The following SHANK2 variants were observed in gnomAD, a reference collection of about 807,000 sequenced individuals.
SHANK2 encodes the protein SH3 and multiple ankyrin repeat domains protein 2.
Under a neutral mutation model 133.7 loss-of-function variants are expected in SHANK2, and 43 were observed. That is an observed-to-expected ratio of 0.32 (90% confidence interval 0.25 to 0.41). The LOEUF (loss-of-function observed/expected upper bound fraction) is 0.41, where lower values mean the gene tolerates loss of function less well. SHANK2 is among the 10% of genes least tolerant of loss of function. The pLI, the probability that SHANK2 is intolerant of heterozygous loss-of-function variation, is 1.00. For missense variants in SHANK2, 1,994 were observed against 2,235.8 expected (o/e 0.89, Z 2.18); for synonymous variants, 1,017 against 952.8 (o/e 1.07, Z -1.24).
intron 12 of SHANK2, 118 bp downstream of exon 12, chr11:70,820,246 A>G (rs931317959): frequency 8.8e-6 from 5 of 570,546 alleles, no homozygotes; most frequent in African/African-American, 5.8e-5. Context: ...AGTTTCCTCA[A>G]CATCTGGGTT....
At chr11:71,248,039 T>A (rs1426936018) in intron 1 of SHANK2, among the ~76,000 whole-genome samples, 1 of 152,124 alleles carries the variant, frequency 6.6e-6, no homozygotes. Flanking sequence ...TGAAGGCCCA[T>A]CCCCGGCATA....
chr11:70,908,374 C>T (rs2135713942), intron 10 of SHANK2, among the ~76,000 whole-genome samples: 2 of 152,340 alleles, frequency 1.3e-5, no homozygotes, highest in South Asian at 4.1e-4. Flanking sequence ...ACCAGGCTGG[C>T]TTCCTTACAC....
rs532373979 is a variant in SHANK2 at position 70,591,691 on chromosome 11, G to T, written c.2061+68137C>A. On this transcript the variant is annotated intron_variant, in intron 17 of 25. Coordinates refer to ENST00000601538, the MANE Select transcript of SHANK2 (RefSeq NM_012309.5). ...TGTTTTCTCTCAAGGGCAGACCTGAGCTACACTGATCTCCTGAAACATTTT... is the reference window on the plus strand; with the variant it reads ...TGTTTTCTCTCAAGGGCAGACCTGATCTACACTGATCTCCTGAAACATTTT... Among the ~76,000 whole-genome samples the T allele has an allele frequency of 3.9e-5, 6 of 152,306 alleles. No homozygotes were observed. In the East Asian group the frequency reaches 7.7e-4, roughly 20 times the overall value.
At chr11:71,224,934 C>G (rs1555121940) in intron 1 of SHANK2, 138 bp from the exon 2 acceptor site, 1 of 152,206 alleles carries the variant, frequency 6.6e-6, no homozygotes, top group Non-Finnish European at 1.5e-5. Flanking sequence ...TTGGAGTAGA[C>G]ACATTTTTCC....
chr11:70,478,126 G>A (rs1017380536), intron 25 of SHANK2, among the ~76,000 whole-genome samples: 1 of 151,904 alleles, frequency 6.6e-6, no homozygotes, highest in Admixed American at 6.5e-5. Flanking sequence ...TAATTGGGGT[G>A]AGGTAAGTAA....
intron 15 of SHANK2, among the ~76,000 whole-genome samples, chr11:70,662,677 C>T (rs1405964208): frequency 6.6e-6 from 1 of 151,878 alleles, no homozygotes. Context: ...CTGCTTGCCT[C>T]TAGCCATGGC....
intron 15 of SHANK2, chr11:70,669,130 A>T (rs1944743811): frequency 1.3e-5 from 2 of 152,296 alleles, no homozygotes; most frequent in Non-Finnish European, 2.9e-5. Flanking sequence ...CTTCCATCTG[A>T]ACAATGCACA....
chr11:70,649,875 A>C (rs1459376727), intron 17 of SHANK2, among the ~76,000 whole-genome samples: 3 of 152,226 alleles, frequency 2.0e-5, no homozygotes, highest in African/African-American at 7.2e-5. Flanking sequence ...GTGCAAAAGA[A>C]ACAAGCTTTG....
At chr11:70,727,464 T>C (rs1946200542) in intron 14 of SHANK2, among the ~76,000 whole-genome samples, 1 of 152,162 alleles carries the variant, frequency 6.6e-6, no homozygotes, top group Non-Finnish European at 1.5e-5. Flanking sequence ...ACTAAGGTGG[T>C]AGGTAATTTG....
chr11:70,847,456 T>A (rs1042318468), intron 11 of SHANK2, among the ~76,000 whole-genome samples: 2 of 152,190 alleles, frequency 1.3e-5, no homozygotes, highest in Admixed American at 1.3e-4. Context: ...CAGGATCTGC[T>A]GTCAGCGTTA....
chr11:70,776,584 G>C (rs1947368681), intron 14 of SHANK2, among the ~76,000 whole-genome samples: 1 of 152,096 alleles, frequency 6.6e-6, no homozygotes, highest in South Asian at 2.1e-4. Context: ...GTTTACAATA[G>C]GAAGGGATGC....
intron 10 of SHANK2, among the ~76,000 whole-genome samples, chr11:70,933,938 C>CA: frequency 6.8e-6 from 1 of 147,808 alleles, no homozygotes; most frequent in African/African-American, 2.5e-5. Flanking sequence ...AACAAACAAA[C>CA]AAAACAACAA....
At chr11:71,117,529 A>G (rs1388090908) in intron 4 of SHANK2, among the ~76,000 whole-genome samples, 1 of 152,202 alleles carries the variant, frequency 6.6e-6, no homozygotes, top group Non-Finnish European at 1.5e-5. Context: ...GGATCAGACT[A>G]TGACTCGAGG....
intron 12 of SHANK2, among the ~76,000 whole-genome samples, chr11:70,815,697 G>C (rs1371672585): frequency 5.9e-5 from 9 of 152,288 alleles, no homozygotes; most frequent in African/African-American, 1.9e-4. Context: ...GAGGCACTGG[G>C]TTGCTTGGTG....
chr11:71,161,847 T>G (rs117052659), intron 2 of SHANK2, among the ~76,000 whole-genome samples: 1,830 of 152,338 alleles, frequency 0.012, 12 homozygotes, highest in Non-Finnish European at 0.019. Context: ...TCACTCACAT[T>G]TGGCTCAGAA....
chr11:70,838,325 G>A (rs1186265509), intron 11 of SHANK2, among the ~76,000 whole-genome samples: 5 of 152,210 alleles, frequency 3.3e-5, no homozygotes, highest in Admixed American at 2.0e-4. Flanking sequence ...TCTAACAATT[G>A]TGGCTTCCTT....
intron 11 of SHANK2, among the ~76,000 whole-genome samples, chr11:70,872,663 T>C (rs899751867): frequency 6.6e-6 from 1 of 151,818 alleles, no homozygotes; most frequent in African/African-American, 2.4e-5. Flanking sequence ...GAGAGATGGG[T>C]CCCTGGACCA....
At position 70,546,295 on chromosome 11, in the gene SHANK2, T is replaced by C. The variant is rs368171544; in HGVS notation, c.2062-43364A>G. On this transcript the variant is annotated intron_variant, in intron 17 of 25. Coordinates refer to ENST00000601538, the MANE Select transcript of SHANK2 (RefSeq NM_012309.5). ...CTGATTAATCATTGGCCAATGGCAATTGAGCTCAACCTCCAGCCCCTCTTC... is the reference window on the plus strand; with the variant it reads ...CTGATTAATCATTGGCCAATGGCAACTGAGCTCAACCTCCAGCCCCTCTTC... 2.6e-5 allele frequency among the ~76,000 whole-genome samples: 4 copies of C among 151,974 alleles called. No homozygotes were observed. In the East Asian group the frequency reaches 7.7e-4, roughly 29 times the overall value.
intron 15 of SHANK2, among the ~76,000 whole-genome samples, chr11:70,663,603 A>G (rs1944619584): frequency 6.6e-6 from 1 of 152,166 alleles, no homozygotes; most frequent in Non-Finnish European, 1.5e-5. Context: ...GCCGAAGACC[A>G]GGACAATCCA....
Sources: allele counts gnomAD v4.1 joint callset (sites outside exome capture counted in the v4.1 genomes callset), GRCh38; gene constraint gnomAD v4.1.1; transcripts MANE v1.5; gene names NCBI Gene and HGNC (gene_info 2026-07-23, HGNC 2026-07-21).